The following IGSF11 variants were observed in gnomAD, a reference collection of about 807,000 sequenced individuals.
IGSF11 encodes immunoglobulin superfamily member 11, also known as CXADR like 1.
A neutral mutation model predicts 41.0 loss-of-function variants in IGSF11; 22 were observed. The observed-to-expected ratio is 0.54, with a 90% confidence interval of 0.38 to 0.77. The LOEUF (loss-of-function observed/expected upper bound fraction) is 0.77, where lower values mean the gene tolerates loss of function less well. IGSF11 is among the 30% of genes least tolerant of loss of function. IGSF11 has a pLI of 0.00. For missense variants in IGSF11, 444 were observed against 530.8 expected (o/e 0.84, Z 1.61); for synonymous variants, 219 against 201.3 (o/e 1.09, Z -0.74).
At position 118,926,359 on chromosome 3, in the gene IGSF11, G is replaced by A. The variant is rs1040130682; in HGVS notation, c.425-103C>T. The A allele has an allele frequency of 1.8e-4, 169 of 944,108 alleles. 1 individual carries two copies. The Admixed American group carries it at 2.2e-3, about 12-fold the overall frequency. The allele number at this position is 944,108 out of a possible 1,614,324, so 58.5% of individuals were successfully genotyped here. A position where few individuals can be genotyped will look rare whatever the true frequency, so the allele number is the denominator to read the frequency against. On this transcript the variant is annotated intron_variant, in intron 3 of 6. Transcript: ENST00000393775. ...GTACATTGGACCCTTAGATTACACT[G>A]TTTTGGGAACATATACCAGGAGACA...
intron 1 of IGSF11, among the ~76,000 whole-genome samples, chr3:119,114,534 T>G (rs777988462): frequency 6.6e-6 from 1 of 152,224 alleles, no homozygotes; most frequent in African/African-American, 2.4e-5. Flanking sequence ...AAAAGTGATC[T>G]TTGCTACAGT....
At chr3:119,102,485 G>A (rs1300439761) in intron 1 of IGSF11, among the ~76,000 whole-genome samples, 1 of 152,044 alleles carries the variant, frequency 6.6e-6, no homozygotes, top group Non-Finnish European at 1.5e-5. Context: ...CAGTAATTTT[G>A]TTTGAACATA....
At chr3:119,021,711 A>G (rs981029932) in intron 1 of IGSF11, among the ~76,000 whole-genome samples, 15 of 152,316 alleles carry the variant, frequency 9.8e-5, no homozygotes, top group East Asian at 5.8e-4. Context: ...TTGAAATATG[A>G]AAGGTAAAAC....
intron 1 of IGSF11, among the ~76,000 whole-genome samples, chr3:118,939,570 C>T (rs992602226): frequency 1.7e-5 from 2 of 117,624 alleles, no homozygotes; most frequent in African/African-American, 1.0e-4. Flanking sequence ...AGCAAGACTC[C>T]GTCTCAAAAA....
intron 1 of IGSF11, among the ~76,000 whole-genome samples, chr3:118,967,528 C>A (rs1945766081): frequency 6.6e-6 from 1 of 152,134 alleles, no homozygotes; most frequent in African/African-American, 2.4e-5. Context: ...CTGCTATTCT[C>A]CCCTTATTGC....
intron 1 of IGSF11, among the ~76,000 whole-genome samples, chr3:119,029,173 TACACACACAC>T (rs66598029): frequency 4.4e-4 from 49 of 111,510 alleles, no homozygotes; most frequent in Middle Eastern, 4.0e-3. Flanking sequence ...TTGGGGATAA[TACACACACAC>T]ACACACACAC....
chr3:118,924,140 T>C (rs1942083666), intron 4 of IGSF11, among the ~76,000 whole-genome samples: 1 of 152,082 alleles, frequency 6.6e-6, no homozygotes, highest in South Asian at 2.1e-4. Flanking sequence ...AGGGATTTGG[T>C]GATTCTTATT....
intron 1 of IGSF11, among the ~76,000 whole-genome samples, chr3:119,015,910 G>A (rs907642502): frequency 6.6e-6 from 1 of 152,114 alleles, no homozygotes; most frequent in African/African-American, 2.4e-5. Flanking sequence ...AGAGAAAAAC[G>A]ATTCAAAGGT....
chr3:118,955,395 C>T lies in IGSF11; in HGVS notation c.53-25120G>A, dbSNP rs541449120. Among the ~76,000 whole-genome samples, 11 of 152,228 alleles carry T rather than the reference C, an allele frequency of 7.2e-5. No homozygotes were observed. The South Asian group carries it at 2.3e-3, about 32-fold the overall frequency. On this transcript the variant is annotated intron_variant, in intron 1 of 6. Transcript: ENST00000393775. ...GAAAACCAAATATCATGTGTTCTTA[C>T]TCACAGGTGGGAGCTAAGCTGTGAG... is the stretch of plus-strand genomic sequence containing the variant.
At chr3:119,114,076 C>A (rs55906068) in intron 1 of IGSF11, among the ~76,000 whole-genome samples, 35,529 of 152,182 alleles carry the variant, frequency 0.23, 5,070 homozygotes, top group Middle Eastern at 0.38. Flanking sequence ...GCAGCAGGGC[C>A]CTGGGCCCAG....
intron 1 of IGSF11, among the ~76,000 whole-genome samples, chr3:119,113,982 C>A (rs919439589): frequency 4.6e-5 from 7 of 152,226 alleles, no homozygotes; most frequent in African/African-American, 1.7e-4. Context: ...AAGCAGTGAC[C>A]TGAGACATAT....
chr3:119,050,868 T>C (rs1356317549), intron 1 of IGSF11, among the ~76,000 whole-genome samples: 4 of 151,790 alleles, frequency 2.6e-5, no homozygotes, highest in East Asian at 1.9e-4. Context: ...AAATTGGAAA[T>C]CATCATTCTC....
At chr3:119,058,305 T>C (rs925652850) in intron 1 of IGSF11, among the ~76,000 whole-genome samples, 4 of 152,032 alleles carry the variant, frequency 2.6e-5, no homozygotes, top group Non-Finnish European at 5.9e-5. Flanking sequence ...CATCAAAAAG[T>C]GGGCAAAGGA....
chr3:119,068,084 G>A (rs1203702203), intron 1 of IGSF11, among the ~76,000 whole-genome samples: 2 of 152,158 alleles, frequency 1.3e-5, no homozygotes, highest in Admixed American at 1.3e-4. Context: ...AAGTACTTAG[G>A]TTCTCTCAGC....
At chr3:118,976,388 G>A (rs1361876316) in intron 1 of IGSF11, among the ~76,000 whole-genome samples, 3 of 152,138 alleles carry the variant, frequency 2.0e-5, no homozygotes, top group Non-Finnish European at 4.4e-5. Context: ...GCTATTGTCT[G>A]TACTTTCAAA....
chr3:118,913,221 C>T (rs1940575678), intron 4 of IGSF11, among the ~76,000 whole-genome samples: 3 of 151,284 alleles, frequency 2.0e-5, no homozygotes, highest in Admixed American at 2.0e-4. Context: ...AAACCAAGAG[C>T]TAACAGGAAA....
intron 1 of IGSF11, among the ~76,000 whole-genome samples, chr3:119,019,280 C>T (rs1939053079): frequency 6.6e-6 from 1 of 151,272 alleles, no homozygotes; most frequent in African/African-American, 2.4e-5. Flanking sequence ...AGTACATTTA[C>T]ATTCCTTTGT....
intron 1 of IGSF11, among the ~76,000 whole-genome samples, chr3:119,138,158 C>CA (rs71156733): frequency 1.3e-3 from 169 of 134,038 alleles, no homozygotes; most frequent in African/African-American, 3.4e-3. Flanking sequence ...GGTTCCTCAA[C>CA]AAAAAAAAAA....
chr3:119,127,215 C>T (rs2077415786), intron 1 of IGSF11, among the ~76,000 whole-genome samples: 1 of 151,478 alleles, frequency 6.6e-6, no homozygotes, highest in African/African-American at 2.4e-5. Context: ...AAACACAGCA[C>T]AAGAATTTCA....
Sources: allele counts gnomAD v4.1 joint callset (sites outside exome capture counted in the v4.1 genomes callset), GRCh38; gene constraint gnomAD v4.1.1; transcripts MANE v1.5; gene names NCBI Gene and HGNC (gene_info 2026-07-23, HGNC 2026-07-21).